Variants in SLTM observed in about 807,000 individuals in gnomAD.
The protein encoded by SLTM is SAFB like transcription modulator.
A neutral mutation model predicts 134.6 loss-of-function variants in SLTM; 43 were observed. The ratio of observed to expected loss-of-function variants is 0.32; its 90% CI spans 0.25 to 0.41. SLTM has a LOEUF of 0.41. Ranked by LOEUF, SLTM falls within the 10% of genes least tolerant of loss-of-function variation. The pLI is 1.00. For missense variants in SLTM, 1,055 were observed against 1,288.8 expected, an observed-to-expected ratio of 0.82 and a Z score of 2.78; for synonymous variants, 424 against 432.3, an observed-to-expected ratio of 0.98 and a Z score of 0.24.
intron 5 of SLTM, among the ~76,000 whole-genome samples, chr15:58,906,054 C>T (rs2035846765): frequency 6.6e-6 from 1 of 152,144 alleles, no homozygotes; most frequent in Non-Finnish European, 1.5e-5. Context: ...TTTTACTGTG[C>T]AGTATGTGCA....
chr15:58,884,291 T>C (rs912579754), intron 19 of SLTM, among the ~76,000 whole-genome samples: 1 of 151,932 alleles, frequency 6.6e-6, no homozygotes, highest in Non-Finnish European at 1.5e-5. Flanking sequence ...CAGGGAAGGG[T>C]ATGGAGGAAA....
At chr15:58,916,861 A>C in intron 3 of SLTM, 74 bp downstream of exon 3, 1 of 1,373,558 alleles carries the variant, frequency 7.3e-7, no homozygotes, top group Non-Finnish European at 1.0e-6. Context: ...ATTGTTCAAC[A>C]AAAAGCACAA....
At chr15:58,903,792 A>G (rs1265793123) in intron 5 of SLTM, among the ~76,000 whole-genome samples, 2 of 152,224 alleles carry the variant, frequency 1.3e-5, no homozygotes, top group African/African-American at 2.4e-5. Context: ...AACACTGAGC[A>G]TTGCTGCCTT....
chr15:58,899,103 C>CA lies in SLTM; in HGVS notation c.1059-252dup. 2.3e-6 allele frequency: 1 copy of CA among 439,718 alleles called. No individual in the cohort carries two copies. Among genetic ancestry groups the CA allele is most frequent in the Non-Finnish European group, 4.0e-6 (1 of 249,556 alleles). 27.2% of individuals were successfully genotyped at this position (439,718 alleles called of 1,614,324 possible). A position where few individuals can be genotyped will look rare whatever the true frequency, so the allele number is the denominator to read the frequency against. ...AAATATGGCCATCTTCTCCAGATTTCAGGACTGGGACTTGACTTCATTTTG... is the reference window on the plus strand; with the variant it reads ...AAATATGGCCATCTTCTCCAGATTTCAAGGACTGGGACTTGACTTCATTTTG... On this transcript the variant is annotated intron_variant, in intron 7 of 20. Transcript: ENST00000380516. The surrounding 1 kb of genome is among the most constrained non-coding windows in gnomAD (Gnocchi z 5.0).
At chr15:58,915,058 C>T (rs1239926431) in intron 3 of SLTM, among the ~76,000 whole-genome samples, 1 of 152,038 alleles carries the variant, frequency 6.6e-6, no homozygotes, top group South Asian at 2.1e-4. Flanking sequence ...GGGCCTGGTG[C>T]GGTAAGCCGG....
At chr15:58,904,214 T>C (rs1403879414) in intron 5 of SLTM, among the ~76,000 whole-genome samples, 1 of 152,132 alleles carries the variant, frequency 6.6e-6, no homozygotes, top group African/African-American at 2.4e-5. Context: ...TTTCACCATG[T>C]TGCCCAGGCT....
chr15:58,901,532 T>C (rs2035487774), intron 5 of SLTM, among the ~76,000 whole-genome samples: 1 of 152,254 alleles, frequency 6.6e-6, no homozygotes, highest in South Asian at 2.1e-4. Context: ...AATAACAAAC[T>C]GGATTAGTTT....
intron 1 of SLTM, 111 bp from the exon 2 acceptor site, chr15:58,932,554 C>A: frequency 1.5e-6 from 1 of 676,142 alleles, no homozygotes; most frequent in Non-Finnish European, 2.5e-6. Context: ...TTAGAATTGC[C>A]AGTCATTTCA....
intron 5 of SLTM, among the ~76,000 whole-genome samples, chr15:58,906,343 A>C (rs1246630022): frequency 1.3e-5 from 2 of 152,226 alleles, no homozygotes; most frequent in Admixed American, 1.3e-4. Context: ...TTCACATATG[A>C]AGATGAAGCA....
intron 16 of SLTM, 44 bp downstream of exon 16, chr15:58,889,386 T>A (rs1174034210): frequency 6.2e-7 from 1 of 1,609,500 alleles, no homozygotes; most frequent in Admixed American, 1.7e-5. Flanking sequence ...CTAAAGGGAA[T>A]AAAACAGCAA....
At chr15:58,906,931 A>C (rs769406601) in intron 5 of SLTM, among the ~76,000 whole-genome samples, 1 of 152,340 alleles carries the variant, frequency 6.6e-6, no homozygotes, top group South Asian at 2.1e-4. Context: ...TAGTGAAAAG[A>C]ATATCAGACT....
At position 58,897,205 on chromosome 15, in the gene SLTM, A is replaced by G; in HGVS notation, c.1137T>C (p.Ser379=). The G allele has an allele frequency of 1.2e-6, 2 of 1,607,434 alleles. No homozygotes were observed. Among genetic ancestry groups the G allele is most frequent in the Non-Finnish European group, 1.7e-6 (2 of 1,174,188 alleles). The change falls in exon 9 of 21, where the codon AGT becomes AGC. Residue 379 remains serine, a synonymous_variant. Transcript: ENST00000380516. ...KGSTSSTSGS[S]GSSTKNIWVS... ...CCCAGATATTTTTAGTTGAGCTTCC[A>G]CTGCTACCACTAGTACTACTTGTAC...
Position 58,891,681 on chromosome 15 carries a change from C to T in SLTM, c.1898+1216G>A, listed in dbSNP as rs117538598. ...AAATAGGGATGCAAACATCTGACTACTTCATTAAGTCATGCCTAAACCTTC... is the reference window on the plus strand; with the variant it reads ...AAATAGGGATGCAAACATCTGACTATTTCATTAAGTCATGCCTAAACCTTC... On this transcript the variant is annotated intron_variant, in intron 14 of 20. Transcript: ENST00000380516. 3.7e-3 allele frequency among the ~76,000 whole-genome samples: 558 copies of T among 152,264 alleles called. 16 individuals carry two copies. In the East Asian group the frequency reaches 0.056, roughly 15 times the overall value.
At position 58,894,427 on chromosome 15, in the gene SLTM, G is replaced by A; in HGVS notation, c.1377+6C>T. 1 of 1,614,096 alleles carries A rather than the reference G, an allele frequency of 6.2e-7. No individual in the cohort carries two copies. The highest frequency in any genetic ancestry group is 1.1e-5 in the South Asian group (1 of 91,076). ...CTTGCTTTGATAAACAGTTAGGGAA[G>A]CTTACTTTTTCAACAGAAATCAGCT... On this transcript the variant is annotated splice_donor_region_variant and intron_variant, in intron 10 of 20. Coordinates refer to ENST00000380516, the MANE Select transcript of SLTM (RefSeq NM_024755.4).
chr15:58,898,121 T>C (rs1258442572), intron 8 of SLTM: 1 of 152,160 alleles, frequency 6.6e-6, no homozygotes, highest in African/African-American at 2.4e-5. Flanking sequence ...CCTTATGATT[T>C]CTAACGATTT....
intron 3 of SLTM, chr15:58,916,632 G>T (rs78675607): frequency 4.7e-6 from 1 of 213,434 alleles, no homozygotes; most frequent in Admixed American, 5.6e-5. Flanking sequence ...ATCTCATCCA[G>T]GAACTAACAT....
intron 9 of SLTM, among the ~76,000 whole-genome samples, chr15:58,896,635 C>T (rs1434675051): frequency 6.6e-6 from 1 of 151,870 alleles, no homozygotes; most frequent in Non-Finnish European, 1.5e-5. Flanking sequence ...TAAGTTTAAA[C>T]CATTCTCATG....
chr15:58,881,501 T>TG (rs1344702054), intron 20 of SLTM, among the ~76,000 whole-genome samples: 1 of 149,476 alleles, frequency 6.7e-6, no homozygotes, highest in African/African-American at 2.4e-5. Flanking sequence ...CACTCCAGCT[T>TG]GGGGGACAGA....
At chr15:58,886,400 G>A (rs1386008553) in intron 19 of SLTM, among the ~76,000 whole-genome samples, 1 of 151,756 alleles carries the variant, frequency 6.6e-6, no homozygotes, top group Non-Finnish European at 1.5e-5. Flanking sequence ...CAGAGTAGCT[G>A]GGATTACAGG....
Sources: allele counts gnomAD v4.1 joint callset (sites outside exome capture counted in the v4.1 genomes callset), GRCh38; gene constraint gnomAD v4.1.1; non-coding constraint Gnocchi (gnomAD v3.1); transcripts MANE v1.5; gene names NCBI Gene and HGNC (gene_info 2026-07-23, HGNC 2026-07-21).